The following DCDC2C variants were observed in gnomAD, a reference collection of about 807,000 sequenced individuals.
DCDC2C encodes doublecortin domain-containing protein 2C.
Under a neutral mutation model 45.0 loss-of-function variants are expected in DCDC2C, and 44 were observed. That is an observed-to-expected ratio of 0.98 (90% CI 0.77 to 1.26). The LOEUF is 1.26. DCDC2C is among the 50% of genes most tolerant of loss of function. The pLI is 0.00. For synonymous variants in DCDC2C, 187 were observed against 178.8 expected (o/e 1.05, Z -0.37); for missense variants, 447 against 468.9 (o/e 0.95, Z 0.43).
chr2:3,704,938 T>C (rs1325423035), intron 1 of DCDC2C, among the ~76,000 whole-genome samples: 1 of 152,196 alleles, frequency 6.6e-6, no homozygotes, highest in Non-Finnish European at 1.5e-5. Flanking sequence ...TCTCAGCTGC[T>C]TTTCTCTCCT....
intron 3 of DCDC2C, among the ~76,000 whole-genome samples, chr2:3,730,167 G>C (rs1668822757): frequency 6.6e-6 from 1 of 152,184 alleles, no homozygotes; most frequent in Admixed American, 6.5e-5. Context: ...AAAGAAGCCA[G>C]AGGCCAGGCA....
intron 10 of DCDC2C, among the ~76,000 whole-genome samples, chr2:3,814,571 C>T (rs937662554): frequency 2.1e-4 from 32 of 152,208 alleles, no homozygotes; most frequent in Non-Finnish European, 4.1e-4. Context: ...GATGGAGAGA[C>T]GTTGTGATCA....
chr2:3,813,068 T>TATATATATATATATATATATA lies in DCDC2C; in HGVS notation c.1065+27968_1065+27969insATATATATATATATATATATA, dbSNP rs1491343444. Among the ~76,000 whole-genome samples the TATATATATATATATATATATA allele has an allele frequency of 1.8e-3, 93 of 51,742 alleles. 1 individual carries two copies. The highest frequency in any genetic ancestry group is 3.2e-3 in the South Asian group (5 of 1,552). The allele number at this position is 51,742 out of a possible 152,430, so 33.9% of individuals were successfully genotyped here. On this transcript the variant is annotated intron_variant, in intron 10 of 10. Coordinates refer to ENST00000399143, the MANE Select transcript of DCDC2C (RefSeq NM_001287444.2). ...ATATATATATATATATATATATATA[T>TATATATATATATATATATATA]TTTTTTTTTTTTGCTGTTTTTGAGA... is the stretch of plus-strand genomic sequence containing the variant.
intron 10 of DCDC2C, among the ~76,000 whole-genome samples, chr2:3,821,837 A>T (rs1407942384): frequency 6.6e-6 from 1 of 152,116 alleles, no homozygotes; most frequent in South Asian, 2.1e-4. Context: ...ATTTTATGTA[A>T]CTCTGTAATT....
At chr2:3,742,435 T>G (rs577696271) in intron 4 of DCDC2C, among the ~76,000 whole-genome samples, 2 of 151,932 alleles carry the variant, frequency 1.3e-5, no homozygotes, top group Non-Finnish European at 2.9e-5. Context: ...TTGGATTGAG[T>G]CTTGGCAGAG....
intron 4 of DCDC2C, among the ~76,000 whole-genome samples, chr2:3,747,593 A>G (rs987979686): frequency 2.0e-5 from 3 of 152,236 alleles, no homozygotes; most frequent in Admixed American, 2.0e-4. Context: ...CAATCGCAGC[A>G]TAGGTGCAAG....
At chr2:3,835,079 T>C (rs1672042746) in intron 10 of DCDC2C, among the ~76,000 whole-genome samples, 1 of 152,220 alleles carries the variant, frequency 6.6e-6, no homozygotes, top group South Asian at 2.1e-4. Flanking sequence ...TTCCCATAAA[T>C]ACACGAGTTT....
intron 10 of DCDC2C, among the ~76,000 whole-genome samples, chr2:3,795,196 A>G (rs1254651798): frequency 6.6e-6 from 1 of 151,860 alleles, no homozygotes; most frequent in East Asian, 1.9e-4. Context: ...TCCTTCGCCC[A>G]CTTTTTGATG....
intron 10 of DCDC2C, among the ~76,000 whole-genome samples, chr2:3,803,460 A>G (rs116678659): frequency 7.6e-4 from 116 of 151,952 alleles, no homozygotes; most frequent in South Asian, 1.5e-3. Context: ...TACCCTGAAG[A>G]CTCTGAAAAT....
chr2:3,713,987 C>T (rs1558559340), intron 2 of DCDC2C, among the ~76,000 whole-genome samples: 1 of 152,128 alleles, frequency 6.6e-6, no homozygotes, highest in Admixed American at 6.5e-5. Flanking sequence ...AAGCTTTTGC[C>T]AAGTCCAAAA....
intron 2 of DCDC2C, among the ~76,000 whole-genome samples, chr2:3,718,757 G>A (rs1324380447): frequency 6.6e-6 from 1 of 152,178 alleles, no homozygotes; most frequent in African/African-American, 2.4e-5. Flanking sequence ...CTGCCGGTGG[G>A]TTTGTCGTCT....
chr2:3,765,787 A>C (rs1669996514), intron 6 of DCDC2C, among the ~76,000 whole-genome samples: 1 of 152,128 alleles, frequency 6.6e-6, no homozygotes, highest in Non-Finnish European at 1.5e-5. Flanking sequence ...ATCATCAATA[A>C]ATTGTCTGTG....
In DCDC2C at chr2:3,721,414, G is replaced by A. The variant is rs562920314; in HGVS notation, c.340-5589G>A. Among the ~76,000 whole-genome samples the A allele has an allele frequency of 5.9e-5, 9 of 152,284 alleles. No homozygotes were observed. In the South Asian group the frequency reaches 1.9e-3, roughly 32 times the overall value. On this transcript the variant is annotated intron_variant, in intron 2 of 10. Transcript: ENST00000399143. ...AATTTGCTTCATATGAGATCCTCCTGTAGTGAAGTCCTTTCCTGATGCTAG... is the reference window on the plus strand; with the variant it reads ...AATTTGCTTCATATGAGATCCTCCTATAGTGAAGTCCTTTCCTGATGCTAG...
intron 6 of DCDC2C, among the ~76,000 whole-genome samples, chr2:3,766,572 C>T (rs796242551): frequency 2.2e-4 from 34 of 152,182 alleles, no homozygotes; most frequent in African/African-American, 5.8e-4. Flanking sequence ...TTTGTGTGGT[C>T]GCATGTATAA....
intron 4 of DCDC2C, among the ~76,000 whole-genome samples, chr2:3,748,058 C>T (rs577925198): frequency 7.2e-4 from 110 of 152,096 alleles, no homozygotes; most frequent in Non-Finnish European, 1.5e-3. Context: ...GGGAAGCCAC[C>T]GGTGGCAGGG....
chr2:3,788,236 G>A (rs1670705210), intron 10 of DCDC2C, among the ~76,000 whole-genome samples: 1 of 152,134 alleles, frequency 6.6e-6, no homozygotes, highest in African/African-American at 2.4e-5. Flanking sequence ...TCCACTAACA[G>A]ATTTTAAAAT....
chr2:3,768,098 A>AG (rs1670064261), intron 7 of DCDC2C, among the ~76,000 whole-genome samples: 1 of 152,154 alleles, frequency 6.6e-6, no homozygotes, highest in Non-Finnish European at 1.5e-5. Context: ...TTCTCTAATT[A>AG]GGGGGCCTCC....
chr2:3,766,695 T>A (rs1572599690), intron 6 of DCDC2C, among the ~76,000 whole-genome samples: 1 of 152,188 alleles, frequency 6.6e-6, no homozygotes, highest in East Asian at 1.9e-4. Flanking sequence ...TTGACATTTC[T>A]TAAGTGACAT....
At chr2:3,762,944 G>A (rs1212707594) in intron 6 of DCDC2C, among the ~76,000 whole-genome samples, 1 of 152,126 alleles carries the variant, frequency 6.6e-6, no homozygotes, top group African/African-American at 2.4e-5. Flanking sequence ...GAAGGGGATG[G>A]GGAGGCAGGC....
Sources: allele counts gnomAD v4.1 joint callset (sites outside exome capture counted in the v4.1 genomes callset), GRCh38; gene constraint gnomAD v4.1.1; transcripts MANE v1.5; gene names NCBI Gene and HGNC (gene_info 2026-07-23, HGNC 2026-07-21).